Variants in BIRC6 observed in about 807,000 individuals in gnomAD.
The protein encoded by BIRC6 is baculoviral IAP repeat containing 6.
BIRC6 carries 98 observed loss-of-function variants against 503.3 expected under a neutral mutation model. That is an observed-to-expected ratio of 0.19 (90% CI 0.17 to 0.23). The LOEUF (loss-of-function observed/expected upper bound fraction) is 0.23. BIRC6 is among the 10% of genes least tolerant of loss of function. The pLI, the probability that BIRC6 is intolerant of heterozygous loss-of-function variation, is 1.00. For missense variants in BIRC6, 5,360 were observed against 5,806.0 expected, an observed-to-expected ratio of 0.92 and a Z score of 2.50; for synonymous variants, 2,240 against 2,078.7, an observed-to-expected ratio of 1.08 and a Z score of -2.11.
Position 32,471,106 on chromosome 2 carries a change from G to T in BIRC6, c.6574G>T (p.Ala2192Ser), listed in dbSNP as rs370558620. 7.0e-5 allele frequency: 110 copies of T among 1,573,284 alleles called. No individual in the cohort carries two copies. The highest frequency in any genetic ancestry group is 9.1e-5 in the Non-Finnish European group (105 of 1,157,208). Residue 2192 changes from alanine (A) to serine (S), a missense_variant, in exon 32 of 74, where the codon GCA becomes TCA. This residue lies in a region of BIRC6 where 2,299 missense variants were observed against 2,267.2 expected (regional missense o/e 1.01). Coordinates refer to ENST00000421745, the MANE Select transcript of BIRC6 (RefSeq NM_016252.4). ...VATVEDEAAA[A>S]KKPLNGNQWS... is the part of the protein sequence containing the mutation. ...AACTGTTGAAGATGAAGCAGCAGCTGCAAAGAAACCTTTGAATGGTAAAGA... is the reference window on the plus strand; with the variant it reads ...AACTGTTGAAGATGAAGCAGCAGCTTCAAAGAAACCTTTGAATGGTAAAGA...
intron 10 of BIRC6, among the ~76,000 whole-genome samples, chr2:32,426,779 AGGGGCTTTCTTT>A (rs915005652): frequency 1.3e-5 from 2 of 152,060 alleles, no homozygotes; most frequent in Admixed American, 6.5e-5. Context: ...TTCCTCTTAA[AGGGGCTTTCTTT>A]GGGGCTTTCT....
chr2:32,580,040 G>A (rs149270262), intron 66 of BIRC6, among the ~76,000 whole-genome samples: 2,465 of 148,390 alleles, frequency 0.017, 50 homozygotes, highest in African/African-American at 0.059. Context: ...TGCAACCTCC[G>A]TCTCCTGGTT....
At position 32,465,179 on chromosome 2, in the gene BIRC6, TCTTAAA is replaced by T; in HGVS notation, c.5356+16_5356+21del. On this transcript the variant is annotated intron_variant, in intron 26 of 73. Coordinates refer to ENST00000421745, the MANE Select transcript of BIRC6 (RefSeq NM_016252.4). ...AATGCATTCAGGTAATCTTTTACTT[TCTTAAA>T]TTTTTTTTTTTTTTTTTTTGCTTAG... 1 of 1,402,574 alleles carries T rather than the reference TCTTAAA, an allele frequency of 7.1e-7. No homozygotes were observed. 86.9% of individuals were successfully genotyped at this position (1,402,574 alleles called of 1,614,324 possible).
intron 32 of BIRC6, 117 bp from the exon 33 acceptor site, chr2:32,472,995 A>T: frequency 4.8e-6 from 4 of 841,976 alleles, no homozygotes; most frequent in Non-Finnish European, 7.1e-6. Context: ...TTTTCTTATT[A>T]AAACTGCTTT....
At chr2:32,453,071 C>CAAA (rs578078408) in intron 22 of BIRC6, among the ~76,000 whole-genome samples, 88 of 136,708 alleles carry the variant, frequency 6.4e-4, no homozygotes, top group African/African-American at 2.2e-3. Flanking sequence ...GTGCTAATTC[C>CAAA]AAAAAAAAAA....
chr2:32,449,151 CTT>C (rs1483119927), intron 22 of BIRC6: 20 of 395,348 alleles, frequency 5.1e-5, no homozygotes, highest in African/African-American at 3.1e-4. Flanking sequence ...AGGGTTGTGA[CTT>C]TAATTTTTTG....
intron 49 of BIRC6, among the ~76,000 whole-genome samples, chr2:32,504,034 T>TGTGTGTGTGTGTGTG (rs2053513911): frequency 3.8e-5 from 3 of 78,228 alleles, no homozygotes; most frequent in African/African-American, 1.6e-4. Context: ...GGGGGGGTGT[T>TGTGTGTGTGTGTGTG]TGTGTGTGTG....
rs904267851 is a variant in BIRC6, at chr2:32,408,287, G to GT, written c.1477+1737dup. Among the ~76,000 whole-genome samples, 844 of 151,610 alleles carry GT rather than the reference G, an allele frequency of 5.6e-3. 11 individuals carry two copies. The highest frequency in any genetic ancestry group is 0.019 in the African/African-American group (791 of 41,318). On this transcript the variant is annotated intron_variant, in intron 9 of 73. Transcript: ENST00000421745. ...CCGGCCAGACCTGGCTCTTTCTTTT[G>GT]TTTTTTTGAGACGGAGTGTCCCTCT...
At position 32,513,089 on chromosome 2, in the gene BIRC6, G is replaced by C; in HGVS notation, c.10503G>C (p.Leu3501=). 1 of 1,613,906 alleles carries C rather than the reference G, an allele frequency of 6.2e-7. No individual in the cohort carries two copies. Among genetic ancestry groups the C allele is most frequent in the Non-Finnish European group, 8.5e-7 (1 of 1,179,850 alleles). ...PSHLHCVAAI[L]WHSYELLVEY... Reference sequence around the variant, plus strand: ...ATTTGCACTGTGTAGCAGCCATTCTGTGGCATAGTTATGAGCTGCTTGTAG... The same window carrying C: ...ATTTGCACTGTGTAGCAGCCATTCTCTGGCATAGTTATGAGCTGCTTGTAG... The change falls in exon 54 of 74, where the codon CTG becomes CTC. Residue 3501 remains leucine (L), a synonymous_variant. Coordinates refer to ENST00000421745, the MANE Select transcript of BIRC6 (RefSeq NM_016252.4).
At chr2:32,474,689 A>AATT (rs1243085773) in intron 33 of BIRC6, among the ~76,000 whole-genome samples, 5 of 152,198 alleles carry the variant, frequency 3.3e-5, no homozygotes, top group Admixed American at 6.5e-5. Flanking sequence ...TTTGTACAAT[A>AATT]ATTAAAACTG....
intron 54 of BIRC6, among the ~76,000 whole-genome samples, chr2:32,513,435 C>G (rs1035105272): frequency 2.6e-5 from 4 of 152,102 alleles, no homozygotes; most frequent in Non-Finnish European, 4.4e-5. Flanking sequence ...TGCAAATTTT[C>G]CCACCAGATT....
intron 65 of BIRC6, among the ~76,000 whole-genome samples, chr2:32,553,273 T>G (rs979653236): frequency 7.0e-5 from 2 of 28,466 alleles, no homozygotes; most frequent in Non-Finnish European, 1.3e-4. Flanking sequence ...AATTTACTGT[T>G]TCTAGCAAAA....
At chr2:32,612,835 A>G (rs994883914) in intron 73 of BIRC6, among the ~76,000 whole-genome samples, 2 of 152,150 alleles carry the variant, frequency 1.3e-5, no homozygotes, top group Non-Finnish European at 2.9e-5. Context: ...AAGAGAGAAA[A>G]ACACTTGCAG....
intron 26 of BIRC6, among the ~76,000 whole-genome samples, chr2:32,465,895 A>G (rs2048491152): frequency 6.9e-6 from 1 of 145,440 alleles, no homozygotes; most frequent in Non-Finnish European, 1.5e-5. Flanking sequence ...AGCTAAAATA[A>G]AAGTCTTACA....
rs555251729 is a variant in BIRC6, at chr2:32,414,039, C to T, written c.1478-730C>T. 3.3e-5 allele frequency among the ~76,000 whole-genome samples: 5 copies of T among 152,190 alleles called. No homozygotes were observed. In the East Asian group the frequency reaches 7.7e-4, roughly 23 times the overall value. Reference sequence around the variant, plus strand: ...GGGCACGGTGGCTCATGCCTGTAATCCCAGCACTTTGAGAGGCCGAGGCGG... The same window carrying T: ...GGGCACGGTGGCTCATGCCTGTAATTCCAGCACTTTGAGAGGCCGAGGCGG... On this transcript the variant is annotated intron_variant, in intron 9 of 73. Transcript: ENST00000421745.
intron 66 of BIRC6, among the ~76,000 whole-genome samples, chr2:32,587,373 C>T (rs942723863): frequency 2.0e-5 from 3 of 151,744 alleles, no homozygotes; most frequent in Non-Finnish European, 4.4e-5. Flanking sequence ...GGCAACAGAA[C>T]GAGACTCCGT....
chr2:32,379,370 T>C (rs1244518471), intron 2 of BIRC6: 2 of 152,234 alleles, frequency 1.3e-5, no homozygotes, highest in Non-Finnish European at 2.9e-5. Context: ...AAACTATGTT[T>C]AGGTTTAACA....
intron 8 of BIRC6, among the ~76,000 whole-genome samples, chr2:32,403,674 C>T (rs1295627523): frequency 6.6e-6 from 1 of 152,118 alleles, no homozygotes; most frequent in Non-Finnish European, 1.5e-5. Context: ...TTCAGAAACA[C>T]ATATAATCTT....
chr2:32,411,338 C>A (rs1287646829), intron 9 of BIRC6, among the ~76,000 whole-genome samples: 1 of 151,514 alleles, frequency 6.6e-6, no homozygotes, highest in East Asian at 1.9e-4. Flanking sequence ...CACGCCCAGC[C>A]TTGAGCACTT....
Sources: allele counts gnomAD v4.1 joint callset (sites outside exome capture counted in the v4.1 genomes callset), GRCh38; gene constraint gnomAD v4.1.1; regional missense constraint gnomAD v4.1.1; transcripts MANE v1.5; gene names NCBI Gene and HGNC (gene_info 2026-07-23, HGNC 2026-07-21).